ZNF529: variants seen among roughly 807,000 people sequenced by gnomAD.
ZNF529 encodes zinc finger protein 529.
In ZNF529, 11 loss-of-function variants were observed where a neutral mutation model predicts 10.1. The ratio of observed to expected loss-of-function variants is 1.09; its 90% confidence interval spans 0.69 to 1.81. The LOEUF (loss-of-function observed/expected upper bound fraction) is 1.81. Ranked by LOEUF, ZNF529 falls within the 40% of genes most tolerant of loss-of-function variation. The probability of loss-of-function intolerance (pLI) is 0.00; values close to 1 mark genes in which losing one functional copy is unlikely to be tolerated. For missense variants in ZNF529, 624 were observed against 666.8 expected (o/e 0.94, Z 0.71); for synonymous variants, 204 against 215.7 (o/e 0.95, Z 0.47).
At chr19:36,555,985 AGC>A (rs1296465685) in intron 3 of ZNF529, 117 bp downstream of exon 3, 3 of 999,514 alleles carry the variant, frequency 3.0e-6, no homozygotes, top group African/African-American at 1.6e-5. Context: ...GTTAGACTCC[AGC>A]CCTTACTAGA....
chr19:36,556,347 T>G lies in ZNF529; in HGVS notation c.15-150A>C, dbSNP rs2035473620. On this transcript the variant is annotated intron_variant, in intron 2 of 4. Coordinates refer to ENST00000591340, the MANE Select transcript of ZNF529 (RefSeq NM_020951.5). ...GAGTCTAGACTCCGTGAACCAAACC[T>G]GAGCCCTCCATTGTCCATTCTATCT... The G allele has an allele frequency of 1.8e-5, 11 of 607,644 alleles. No homozygotes were observed. In the South Asian group the frequency reaches 2.1e-4, roughly 11 times the overall value. 37.6% of individuals were successfully genotyped at this position (607,644 alleles called of 1,614,324 possible). A position where few individuals can be genotyped will look rare whatever the true frequency, so the allele number is the denominator to read the frequency against.
At chr19:36,590,128 G>A (rs996371382) in intron 1 of ZNF529, among the ~76,000 whole-genome samples, 7 of 152,152 alleles carry the variant, frequency 4.6e-5, no homozygotes, top group South Asian at 2.1e-4. Context: ...CAGCACTTTC[G>A]GAGGCCAAGG....
At chr19:36,581,857 A>G (rs964020398) in intron 2 of ZNF529, 3 of 152,488 alleles carry the variant, frequency 2.0e-5, no homozygotes, top group African/African-American at 7.2e-5. Context: ...TTTATAAATT[A>G]CCCAGCCTCA....
rs1445600041 is a variant in ZNF529, at chr19:36,602,442, C to T, written c.-128+2684G>A. Among the ~76,000 whole-genome samples the T allele has an allele frequency of 4.5e-5, 6 of 132,098 alleles. No individual in the cohort carries two copies. In the East Asian group the frequency reaches 1.2e-3, roughly 27 times the overall value. The allele number at this position is 132,098 out of a possible 152,430, so 86.7% of individuals were successfully genotyped here. A position where few individuals can be genotyped will look rare whatever the true frequency, so the allele number is the denominator to read the frequency against. On this transcript the variant is annotated intron_variant, in intron 1 of 4. Transcript: ENST00000585960. ...TTCACATGTCATGAAATATTACTCT[C>T]CTTTTTTTTTTTTTCGTGGTCAACT...
chr19:36,584,637 C>T (rs2036539466), intron 2 of ZNF529, among the ~76,000 whole-genome samples: 1 of 151,834 alleles, frequency 6.6e-6, no homozygotes, highest in African/African-American at 2.4e-5. Context: ...TGTGGTGGCG[C>T]TCACCTGTGA....
intron 2 of ZNF529, among the ~76,000 whole-genome samples, chr19:36,568,638 A>G (rs1345603949): frequency 6.6e-6 from 1 of 151,754 alleles, no homozygotes; most frequent in Admixed American, 6.6e-5. Context: ...CGCCTGGCAA[A>G]TTTTTGTACT....
At chr19:36,552,778 A>ATTT (rs1886839014) in intron 4 of ZNF529, among the ~76,000 whole-genome samples, 1 of 152,252 alleles carries the variant, frequency 6.6e-6, no homozygotes, top group African/African-American at 2.4e-5. Flanking sequence ...GTTTTACTAA[A>ATTT]TAAAATCAAA....
At chr19:36,595,495 C>T (rs1171123475) in intron 1 of ZNF529, among the ~76,000 whole-genome samples, 1 of 152,032 alleles carries the variant, frequency 6.6e-6, no homozygotes, top group Non-Finnish European at 1.5e-5. Flanking sequence ...CAAGAGTTCG[C>T]GATCAGCCTA....
chr19:36,557,087 G>A (rs2035504847), intron 2 of ZNF529, among the ~76,000 whole-genome samples: 1 of 152,150 alleles, frequency 6.6e-6, no homozygotes, highest in African/African-American at 2.4e-5. Flanking sequence ...ATTAGCCTGT[G>A]AAGCAATGTA....
At chr19:36,589,071 G>A (rs1234419553) in intron 2 of ZNF529, among the ~76,000 whole-genome samples, 1 of 151,644 alleles carries the variant, frequency 6.6e-6, no homozygotes, top group Non-Finnish European at 1.5e-5. Context: ...AGCCTCCCAA[G>A]TAGCTAGGAC....
At chr19:36,556,322 G>A in intron 2 of ZNF529, 125 bp from the exon 3 acceptor site, 1 of 633,928 alleles carries the variant, frequency 1.6e-6, no homozygotes. Context: ...AGAACTCTTA[G>A]AGTCTAGACT....
At chr19:36,555,548 G>T in intron 3 of ZNF529, among the ~76,000 whole-genome samples, 1 of 25,578 alleles carries the variant, frequency 3.9e-5, no homozygotes, top group South Asian at 1.1e-3. Flanking sequence ...CACCCGCCTC[G>T]GCCTCCCAAA....
intron 2 of ZNF529, among the ~76,000 whole-genome samples, chr19:36,584,811 C>A (rs923247049): frequency 6.6e-6 from 1 of 151,542 alleles, no homozygotes; most frequent in Admixed American, 6.6e-5. Flanking sequence ...ATTCTAAGGT[C>A]TTTTTTATTG....
intron 1 of ZNF529, among the ~76,000 whole-genome samples, chr19:36,592,282 C>G (rs1212989063): frequency 1.1e-5 from 1 of 92,528 alleles, no homozygotes; most frequent in African/African-American, 4.4e-5. Context: ...AAGACTTTGT[C>G]TCAAAAAAAA....
At chr19:36,565,768 C>A (rs1201432777) in intron 2 of ZNF529, among the ~76,000 whole-genome samples, 1 of 152,138 alleles carries the variant, frequency 6.6e-6, no homozygotes, top group Non-Finnish European at 1.5e-5. Flanking sequence ...TCTATTGCAT[C>A]TTGGGCTTGC....
rs559576932 is a variant in ZNF529 at position 36,554,446 on chromosome 19, C to T, written c.235+224G>A. Among the ~76,000 whole-genome samples the T allele has an allele frequency of 3.9e-5, 6 of 152,152 alleles. No individual in the cohort carries two copies. In the East Asian group the frequency reaches 9.7e-4, roughly 25 times the overall value. On this transcript the variant is annotated intron_variant, in intron 4 of 4. Transcript: ENST00000591340. ...ACAAAAAATTAGATGGGCATAGTGG[C>T]GGGCTCCTGTAATTCCAGCTACTCT...
chr19:36,577,731 C>T (rs2036360652), upstream of ZNF529: 1 of 152,588 alleles, frequency 6.6e-6, no homozygotes, highest in Admixed American at 6.5e-5. Flanking sequence ...ATCCTCCTGC[C>T]TTGGCCTCAC....
chr19:36,558,578 C>T (rs2035565844), intron 2 of ZNF529, among the ~76,000 whole-genome samples: 1 of 152,022 alleles, frequency 6.6e-6, no homozygotes, highest in Non-Finnish European at 1.5e-5. Context: ...ATCCTAAATC[C>T]ATCAACACAT....
intron 4 of ZNF529, among the ~76,000 whole-genome samples, chr19:36,553,213 C>T (rs112973923): frequency 9.2e-5 from 14 of 152,262 alleles, no homozygotes; most frequent in African/African-American, 3.4e-4. Flanking sequence ...GCAACCTCTA[C>T]CTCCCGAGTT....
Sources: allele counts gnomAD v4.1 joint callset (sites outside exome capture counted in the v4.1 genomes callset), GRCh38; gene constraint gnomAD v4.1.1; transcripts MANE v1.5; gene names NCBI Gene and HGNC (gene_info 2026-07-23, HGNC 2026-07-21).